SNX13: variants seen among roughly 807,000 people sequenced by gnomAD.
SNX13 encodes the protein sorting nexin 13.
SNX13 carries 45 observed loss-of-function variants against 133.6 expected under a neutral mutation model. The ratio of observed to expected loss-of-function variants is 0.34; its 90% CI spans 0.27 to 0.43. The LOEUF (loss-of-function observed/expected upper bound fraction) is 0.43, where lower values mean the gene tolerates loss of function less well. Among genes scored for constraint, SNX13 ranks in the 20% least tolerant of loss-of-function variants. The pLI, the probability that SNX13 is intolerant of heterozygous loss-of-function variation, is 1.00. For missense variants in SNX13, 1,032 were observed against 1,145.1 expected, an observed-to-expected ratio of 0.90 and a Z score of 1.43; for synonymous variants, 414 against 373.9, an observed-to-expected ratio of 1.11 and a Z score of -1.24.
At chr7:17,903,656 C>A (rs1050363950) in intron 1 of SNX13, among the ~76,000 whole-genome samples, 2 of 152,214 alleles carry the variant, frequency 1.3e-5, no homozygotes, top group African/African-American at 4.8e-5. Flanking sequence ...TTAAAAATTG[C>A]CCAAGGTCAC....
chr7:17,821,414 T>C, intron 18 of SNX13, 95 bp downstream of exon 18: 3 of 1,227,284 alleles, frequency 2.4e-6, no homozygotes, highest in Non-Finnish European at 3.4e-6. Context: ...ACCTTATTTT[T>C]TTAATTAATC....
rs562600309 is a variant in SNX13 at position 17,839,524 on chromosome 7, T to C, written c.1359+283A>G. On this transcript the variant is annotated intron_variant, in intron 13 of 25. Coordinates refer to ENST00000428135, the MANE Select transcript of SNX13 (RefSeq NM_015132.5). ...GTACTCTCTTTTGTTTACTTTTGCA[T>C]GGTTTATCTTTTTCTATCCTTTTAC... Among the ~76,000 whole-genome samples, 185 of 152,046 alleles carry C rather than the reference T, an allele frequency of 1.2e-3. 1 individual carries two copies. The highest frequency in any genetic ancestry group is 4.2e-3 in the African/African-American group (174 of 41,514).
rs987830048 is a variant in SNX13 at position 17,813,552 on chromosome 7, T to C, written c.2064+1282A>G. 7.2e-5 allele frequency among the ~76,000 whole-genome samples: 11 copies of C among 152,000 alleles called. No individual in the cohort carries two copies. In the East Asian group the frequency reaches 2.1e-3, roughly 29 times the overall value. ...CTGCAATTACTTTTGCACCAAACTATACAATCAAAAATCCTGAAGTAATCA... is the reference window on the plus strand; with the variant it reads ...CTGCAATTACTTTTGCACCAAACTACACAATCAAAAATCCTGAAGTAATCA... On this transcript the variant is annotated intron_variant, in intron 20 of 25. Transcript: ENST00000428135.
chr7:17,866,085 G>C (rs970420100), intron 9 of SNX13, among the ~76,000 whole-genome samples: 1 of 152,130 alleles, frequency 6.6e-6, no homozygotes, highest in Non-Finnish European at 1.5e-5. Flanking sequence ...TCTGGGCAAA[G>C]ATTTCTTACA....
chr7:17,846,773 C>T (rs1790587778), intron 11 of SNX13, among the ~76,000 whole-genome samples: 1 of 152,136 alleles, frequency 6.6e-6, no homozygotes. Flanking sequence ...AATCTAGAGG[C>T]AGCACATGAT....
intron 1 of SNX13, among the ~76,000 whole-genome samples, chr7:17,913,385 T>A (rs1799206365): frequency 6.6e-6 from 1 of 152,066 alleles, no homozygotes; most frequent in African/African-American, 2.4e-5. Context: ...AGCTTCACCC[T>A]CACCAAAGGT....
At chr7:17,939,041 T>C (rs1223545223) in intron 1 of SNX13, among the ~76,000 whole-genome samples, 3 of 152,194 alleles carry the variant, frequency 2.0e-5, no homozygotes, top group Non-Finnish European at 4.4e-5. Flanking sequence ...CTGTAGAAGT[T>C]ACAATCAACC....
intron 1 of SNX13, among the ~76,000 whole-genome samples, chr7:17,921,950 TATC>T (rs1465146560): frequency 6.6e-6 from 1 of 152,208 alleles, no homozygotes; most frequent in Non-Finnish European, 1.5e-5. Flanking sequence ...CTACTTTTAA[TATC>T]ATAAGCATTT....
At chr7:17,870,739 G>C (rs1338043484) in intron 8 of SNX13, among the ~76,000 whole-genome samples, 3 of 152,136 alleles carry the variant, frequency 2.0e-5, no homozygotes, top group Non-Finnish European at 4.4e-5. Context: ...ATATATTTAT[G>C]ATAAATACAG....
At chr7:17,885,685 G>A (rs1440879270) in intron 5 of SNX13, among the ~76,000 whole-genome samples, 7 of 152,080 alleles carry the variant, frequency 4.6e-5, no homozygotes, top group Admixed American at 2.6e-4. Flanking sequence ...AAAATTAGCC[G>A]GGAGTGGCAG....
At chr7:17,938,809 G>C (rs1265365739) in intron 1 of SNX13, among the ~76,000 whole-genome samples, 2 of 152,126 alleles carry the variant, frequency 1.3e-5, no homozygotes, top group Non-Finnish European at 2.9e-5. Flanking sequence ...TTACACATTA[G>C]AGACAACACT....
intron 1 of SNX13, among the ~76,000 whole-genome samples, chr7:17,902,277 ATTCT>A (rs1488599963): frequency 2.2e-5 from 3 of 135,242 alleles, no homozygotes; most frequent in African/African-American, 8.3e-5. Flanking sequence ...GAAAAAAAAG[ATTCT>A]TTCCTTAATT....
chr7:17,890,250 T>C, intron 5 of SNX13, 113 bp downstream of exon 5: 1 of 960,272 alleles, frequency 1.0e-6, no homozygotes, highest in South Asian at 2.4e-5. Context: ...AGTAATAATC[T>C]GCTGTTCTAC....
intron 1 of SNX13, 103 bp from the exon 2 acceptor site, chr7:17,897,549 A>C: frequency 8.7e-6 from 5 of 576,770 alleles, no homozygotes; most frequent in Non-Finnish European, 1.4e-5. Flanking sequence ...CTTCTTGTAA[A>C]CATTCATGGT....
chr7:17,865,550 T>C (rs1301421488), intron 9 of SNX13, among the ~76,000 whole-genome samples: 1 of 152,114 alleles, frequency 6.6e-6, no homozygotes, highest in Non-Finnish European at 1.5e-5. Context: ...AAAATGTCCA[T>C]AGTACAAAAA....
chr7:17,887,065 T>A (rs1443771133), intron 5 of SNX13, among the ~76,000 whole-genome samples: 2 of 152,074 alleles, frequency 1.3e-5, no homozygotes, highest in Non-Finnish European at 2.9e-5. Context: ...GAAGTTAACT[T>A]TACTGAACAC....
In SNX13 at chr7:17,796,864, T is replaced by G. The variant is rs1374799712; in HGVS notation, c.2589A>C (p.Arg863Ser). Residue 863 changes from arginine (R) to serine (S), a missense_variant, in exon 25 of 26, where the codon AGA (arginine) becomes AGC (serine). Physicochemically the swap from Arg to Ser is moderately radical, Grantham distance 110 (BLOSUM62 -1). Coordinates refer to ENST00000428135, the MANE Select transcript of SNX13 (RefSeq NM_015132.5). Reference sequence around the variant, plus strand: ...CAAGTAATTTCGTTTTTCCTGCTACTCTTGTTCTCATTCGAATACTTTTAT... The same window carrying G: ...CAAGTAATTTCGTTTTTCCTGCTACGCTTGTTCTCATTCGAATACTTTTAT... ...CRDKSIRMRT[R>S]VAGKTKLLAI... 1 of 1,611,074 alleles carries G rather than the reference T, an allele frequency of 6.2e-7. No individual in the cohort carries two copies. Among genetic ancestry groups the G allele is most frequent in the Non-Finnish European group, 8.5e-7 (1 of 1,178,158 alleles).
At chr7:17,915,819 A>G (rs1326279991) in intron 1 of SNX13, among the ~76,000 whole-genome samples, 2 of 152,232 alleles carry the variant, frequency 1.3e-5, no homozygotes, top group East Asian at 3.8e-4. Flanking sequence ...AGAGACATCT[A>G]CAGGACACTT....
intron 1 of SNX13, among the ~76,000 whole-genome samples, chr7:17,930,158 TG>T (rs1390485079): frequency 1.3e-5 from 2 of 152,194 alleles, no homozygotes; most frequent in Non-Finnish European, 2.9e-5. Flanking sequence ...TTATTGTTAC[TG>T]TAGGAAACAC....
Sources: allele counts gnomAD v4.1 joint callset (sites outside exome capture counted in the v4.1 genomes callset), GRCh38; gene constraint gnomAD v4.1.1; transcripts MANE v1.5; gene names NCBI Gene and HGNC (gene_info 2026-07-23, HGNC 2026-07-21).